Variants in RALGAPA2 observed in about 807,000 individuals in gnomAD.
The protein encoded by RALGAPA2 is Ral GTPase activating protein catalytic subunit alpha 2, also known as ral GTPase-activating protein subunit alpha-2.
Under a neutral mutation model 230.4 loss-of-function variants are expected in RALGAPA2, and 139 were observed. The ratio of observed to expected loss-of-function variants is 0.60; its 90% confidence interval spans 0.53 to 0.69. RALGAPA2 has a LOEUF of 0.69. RALGAPA2 is among the 30% of genes least tolerant of loss of function. The pLI, the probability that RALGAPA2 is intolerant of heterozygous loss-of-function variation, is 0.00. For missense variants in RALGAPA2, 2,163 were observed against 2,276.0 expected (o/e 0.95, Z 1.01); for synonymous variants, 847 against 837.8 (o/e 1.01, Z -0.19).
intron 37 of RALGAPA2, among the ~76,000 whole-genome samples, chr20:20,432,767 C>T (rs1374935425): frequency 6.6e-6 from 1 of 152,102 alleles, no homozygotes; most frequent in African/African-American, 2.4e-5. Flanking sequence ...TCCAAATAGC[C>T]TCATTTCTGA....
intron 33 of RALGAPA2, among the ~76,000 whole-genome samples, chr20:20,507,491 T>A (rs2062568911): frequency 6.6e-6 from 1 of 152,126 alleles, no homozygotes; most frequent in African/African-American, 2.4e-5. Context: ...TACAGGTGCA[T>A]GCTACCACAC....
chr20:20,571,523 G>A lies in RALGAPA2; in HGVS notation c.3091C>T (p.Pro1031Ser). 1 of 1,612,784 alleles carries A rather than the reference G, an allele frequency of 6.2e-7. No homozygotes were observed. Among genetic ancestry groups the A allele is most frequent in the South Asian group, 1.1e-5 (1 of 90,766 alleles). ...AMMTRRQDVLPNSDFLVHFYL... is the reference protein window; with the variant it reads ...AMMTRRQDVLSNSDFLVHFYL... ...AAATGCACCAGGAAATCTGAGTTTG[G>A]CAGAACGTCCTGGCGTCTGGTCATC... The change falls in exon 23 of 40, where the codon CCA becomes TCA. Residue 1031 changes from proline to serine, a missense_variant. Physicochemically the swap from Pro to Ser is moderately conservative, Grantham distance 74 (BLOSUM62 -1). Coordinates refer to ENST00000202677, the MANE Select transcript of RALGAPA2 (RefSeq NM_020343.4).
intron 1 of RALGAPA2, among the ~76,000 whole-genome samples, chr20:20,689,416 G>A (rs1308455520): frequency 1.3e-5 from 2 of 152,180 alleles, no homozygotes; most frequent in East Asian, 1.9e-4. Flanking sequence ...GGCCAAGGCG[G>A]GCAGATCACG....
intron 31 of RALGAPA2, 75 bp from the exon 32 acceptor site, chr20:20,513,359 G>T (rs147905625): frequency 1.7e-6 from 2 of 1,198,300 alleles, no homozygotes; most frequent in South Asian, 6.2e-5. Context: ...TTTTTTGGGT[G>T]GGGGGCAGGG....
At chr20:20,566,217 A>C (rs2064417416) in intron 23 of RALGAPA2, among the ~76,000 whole-genome samples, 1 of 152,226 alleles carries the variant, frequency 6.6e-6, no homozygotes, top group African/African-American at 2.4e-5. Flanking sequence ...GGTCAATGCC[A>C]ACCCAGCTGC....
chr20:20,591,224 C>A lies in RALGAPA2; in HGVS notation c.2294G>T (p.Ser765Ile). Residue 765 changes from serine (S) to isoleucine (I), a missense_variant, in exon 17 of 40, where the codon AGC becomes ATC. Ser to Ile is a moderately radical substitution (Grantham distance 142). Coordinates refer to ENST00000202677, the MANE Select transcript of RALGAPA2 (RefSeq NM_020343.4). ...CGGCTCGGGGATGTCGGAGGTGCTG[C>A]TGCTCCGAAGGACCTGCTGCTGCTG... is the stretch of plus-strand genomic sequence containing the variant. ...VGQQQQVLRS[S>I]STSDIPEPLC... is the part of the protein sequence containing the mutation. The A allele has an allele frequency of 6.2e-7, 1 of 1,613,894 alleles. No homozygotes were observed.
chr20:20,492,739 C>G (rs1312734340), intron 36 of RALGAPA2, among the ~76,000 whole-genome samples: 1 of 152,172 alleles, frequency 6.6e-6, no homozygotes, highest in African/African-American at 2.4e-5. Context: ...TATCCTCATG[C>G]ATCTGGGACG....
intron 9 of RALGAPA2, among the ~76,000 whole-genome samples, chr20:20,629,836 G>C (rs2066612576): frequency 6.6e-6 from 1 of 152,216 alleles, no homozygotes; most frequent in African/African-American, 2.4e-5. Flanking sequence ...TTTCAGAAAG[G>C]AGGGCTGTGA....
At chr20:20,399,743 G>T (rs1173959288) in intron 38 of RALGAPA2, among the ~76,000 whole-genome samples, 1 of 152,230 alleles carries the variant, frequency 6.6e-6, no homozygotes, top group Non-Finnish European at 1.5e-5. Context: ...GAATTGGTGG[G>T]CCTTTCTATG....
chr20:20,397,623 C>A (rs2059744868), intron 38 of RALGAPA2, among the ~76,000 whole-genome samples: 1 of 152,224 alleles, frequency 6.6e-6, no homozygotes, highest in Admixed American at 6.5e-5. Flanking sequence ...ATTGTCTGCA[C>A]AGTCACAGTT....
chr20:20,507,770 T>A (rs1156857219), intron 33 of RALGAPA2, among the ~76,000 whole-genome samples: 2 of 152,184 alleles, frequency 1.3e-5, no homozygotes, highest in Non-Finnish European at 2.9e-5. Context: ...GGGACACCAA[T>A]GGCGTAGAAT....
intron 1 of RALGAPA2, among the ~76,000 whole-genome samples, chr20:20,698,573 A>G: frequency 6.6e-6 from 1 of 152,032 alleles, no homozygotes; most frequent in East Asian, 1.9e-4. Context: ...TATTTTTAGT[A>G]GAGTATTTTG....
intron 37 of RALGAPA2, among the ~76,000 whole-genome samples, chr20:20,445,023 C>T (rs1277530391): frequency 6.6e-6 from 1 of 152,242 alleles, no homozygotes; most frequent in Non-Finnish European, 1.5e-5. Context: ...CAATAATGTC[C>T]CCAAAGTGCA....
intron 9 of RALGAPA2, 41 bp from the exon 10 acceptor site, chr20:20,629,631 C>G: frequency 1.9e-6 from 3 of 1,587,508 alleles, no homozygotes; most frequent in Admixed American, 1.7e-5. Flanking sequence ...TGCTCACCCC[C>G]ACTCAAGAAC....
intron 37 of RALGAPA2, among the ~76,000 whole-genome samples, chr20:20,458,690 CTA>C (rs1379522205): frequency 8.4e-6 from 1 of 119,614 alleles, no homozygotes; most frequent in Admixed American, 9.1e-5. Flanking sequence ...ATATATAGAC[CTA>C]TATATATATA....
chr20:20,544,594 AC>A (rs745767240), intron 24 of RALGAPA2, among the ~76,000 whole-genome samples: 1 of 152,202 alleles, frequency 6.6e-6, no homozygotes, highest in Admixed American at 6.5e-5. Flanking sequence ...AGCACTATTT[AC>A]CATAGCAAAG....
chr20:20,538,760 G>A lies in RALGAPA2; in HGVS notation c.3286-1976C>T, dbSNP rs191382584. Among the ~76,000 whole-genome samples the A allele has an allele frequency of 7.2e-5, 11 of 152,242 alleles. No individual in the cohort carries two copies. In the East Asian group the frequency reaches 1.7e-3, roughly 24 times the overall value. ...GTGTTCAGAGGAACTGAATGCATGCGTCTTTGTGGAGTGCAGAGAGAGAGA... is the reference window on the plus strand; with the variant it reads ...GTGTTCAGAGGAACTGAATGCATGCATCTTTGTGGAGTGCAGAGAGAGAGA... On this transcript the variant is annotated intron_variant, in intron 24 of 39. Coordinates refer to ENST00000202677, the MANE Select transcript of RALGAPA2 (RefSeq NM_020343.4).
At position 20,701,077 on chromosome 20, in the gene RALGAPA2, C is replaced by A. The variant is rs77893416; in HGVS notation, c.106+11298G>T. On this transcript the variant is annotated intron_variant, in intron 1 of 39. Coordinates refer to ENST00000202677, the MANE Select transcript of RALGAPA2 (RefSeq NM_020343.4). ...CTAGTGCTATGCACAATGTCTGCCACGTAGTTTGTGTTGGACATATAACTG... is the reference window on the plus strand; with the variant it reads ...CTAGTGCTATGCACAATGTCTGCCAAGTAGTTTGTGTTGGACATATAACTG... Among the ~76,000 whole-genome samples, 5 of 152,132 alleles carry A rather than the reference C, an allele frequency of 3.3e-5. No individual in the cohort carries two copies. The East Asian group carries it at 9.6e-4, about 29-fold the overall frequency.
At chr20:20,417,340 T>C (rs1360050570) in intron 37 of RALGAPA2, among the ~76,000 whole-genome samples, 1 of 152,222 alleles carries the variant, frequency 6.6e-6, no homozygotes, top group African/African-American at 2.4e-5. Context: ...AGGCCACAGG[T>C]CCAAAATCAA....
Sources: allele counts gnomAD v4.1 joint callset (sites outside exome capture counted in the v4.1 genomes callset), GRCh38; gene constraint gnomAD v4.1.1; transcripts MANE v1.5; gene names NCBI Gene and HGNC (gene_info 2026-07-23, HGNC 2026-07-21).